The following APBB1IP variants were observed in gnomAD, a reference collection of about 807,000 sequenced individuals.
The protein encoded by APBB1IP is amyloid beta A4 precursor protein-binding family B member 1-interacting protein.
APBB1IP carries 27 observed loss-of-function variants against 64.9 expected under a neutral mutation model. The observed-to-expected ratio is 0.42, with a 90% confidence interval of 0.31 to 0.57. The LOEUF is 0.57. Ranked by LOEUF, APBB1IP falls within the 20% of genes least tolerant of loss-of-function variation. The pLI, the probability that APBB1IP is intolerant of heterozygous loss-of-function variation, is 0.20. For missense variants in APBB1IP, 812 were observed against 845.5 expected (o/e 0.96, Z 0.49); for synonymous variants, 392 against 331.0 (o/e 1.18, Z -2.00).
chr10:26,464,340 C>T (rs1035778618), intron 2 of APBB1IP, among the ~76,000 whole-genome samples: 5 of 152,260 alleles, frequency 3.3e-5, no homozygotes, highest in East Asian at 1.9e-4. Flanking sequence ...ATGCAAACAC[C>T]GCTATGTACC....
intron 8 of APBB1IP, among the ~76,000 whole-genome samples, chr10:26,524,906 T>C (rs1836450353): frequency 1.3e-5 from 2 of 151,534 alleles, no homozygotes; most frequent in South Asian, 4.2e-4. Flanking sequence ...TTGGGCAAGA[T>C]TGCATATAAT....
chr10:26,462,039 C>A (rs914120188), intron 2 of APBB1IP, among the ~76,000 whole-genome samples: 1 of 152,170 alleles, frequency 6.6e-6, no homozygotes, highest in African/African-American at 2.4e-5. Flanking sequence ...GATCTGCAGG[C>A]CAAATCCACG....
At chr10:26,557,785 A>G (rs962551181) in intron 11 of APBB1IP, among the ~76,000 whole-genome samples, 2 of 152,222 alleles carry the variant, frequency 1.3e-5, no homozygotes, top group African/African-American at 4.8e-5. Context: ...TGGCTGAGTC[A>G]TTAGAAAGTC....
chr10:26,564,349 G>A (rs997127940), intron 14 of APBB1IP, among the ~76,000 whole-genome samples: 10 of 152,152 alleles, frequency 6.6e-5, no homozygotes, highest in African/African-American at 2.2e-4. Flanking sequence ...GCCAAATTTG[G>A]CATGCTGGTT....
intron 2 of APBB1IP, among the ~76,000 whole-genome samples, chr10:26,470,710 C>T (rs1223230631): frequency 6.6e-6 from 1 of 152,080 alleles, no homozygotes; most frequent in Non-Finnish European, 1.5e-5. Context: ...TGGGTTTTTC[C>T]AGACTTAGTC....
intron 7 of APBB1IP, among the ~76,000 whole-genome samples, chr10:26,512,535 T>G (rs879942391): frequency 3.9e-5 from 6 of 152,072 alleles, no homozygotes; most frequent in Non-Finnish European, 8.8e-5. Context: ...CAAAGAACAG[T>G]TGGTAGACAC....
At chr10:26,557,767 G>A (rs1025155390) in intron 11 of APBB1IP, among the ~76,000 whole-genome samples, 2 of 152,172 alleles carry the variant, frequency 1.3e-5, no homozygotes, top group South Asian at 2.1e-4. Flanking sequence ...AATCCCACAC[G>A]CTCTTGCTGG....
intron 8 of APBB1IP, among the ~76,000 whole-genome samples, chr10:26,518,279 C>T (rs1458600308): frequency 1.4e-5 from 2 of 144,544 alleles, no homozygotes; most frequent in African/African-American, 2.6e-5. Flanking sequence ...TTAAAGAGTC[C>T]TTCTGTCACC....
At chr10:26,482,611 T>A (rs2132423323) in intron 2 of APBB1IP, among the ~76,000 whole-genome samples, 1 of 152,302 alleles carries the variant, frequency 6.6e-6, no homozygotes, top group South Asian at 2.1e-4. Context: ...TCTCCTCTTT[T>A]GTATCTGTAG....
Position 26,488,383 on chromosome 10 carries a change from G to A in APBB1IP, c.1-3944G>A, listed in dbSNP as rs185447459. ...CCCAAGTATGTGGGACTACATGCAC[G>A]TGCCCCCACACCTGGCTAATTTTTT... On this transcript the variant is annotated intron_variant, in intron 2 of 14. Coordinates refer to ENST00000376236, the MANE Select transcript of APBB1IP (RefSeq NM_019043.4). 4.7e-4 allele frequency among the ~76,000 whole-genome samples: 71 copies of A among 152,014 alleles called. 2 individuals are homozygous for A. The East Asian group carries it at 0.011, about 24-fold the overall frequency.
chr10:26,558,155 A>ACG (rs1274443993), intron 11 of APBB1IP, among the ~76,000 whole-genome samples: 1 of 151,742 alleles, frequency 6.6e-6, no homozygotes, highest in Non-Finnish European at 1.5e-5. Context: ...ACACACACAC[A>ACG]CACACACACA....
intron 2 of APBB1IP, among the ~76,000 whole-genome samples, chr10:26,451,007 T>C (rs1191980907): frequency 6.6e-6 from 1 of 152,296 alleles, no homozygotes; most frequent in Middle Eastern, 3.4e-3. Flanking sequence ...AGAACTCAGA[T>C]TCTGTTTCAA....
intron 8 of APBB1IP, among the ~76,000 whole-genome samples, chr10:26,524,974 T>TTTTTTTTTTA (rs1554778195): frequency 0.019 from 2,350 of 125,978 alleles, 161 homozygotes; most frequent in East Asian, 0.15. Flanking sequence ...TTTTTTTTTT[T>TTTTTTTTTTA]ATAAAAAAAG....
At chr10:26,497,727 T>TC (rs1302212351) in intron 4 of APBB1IP, among the ~76,000 whole-genome samples, 1 of 137,116 alleles carries the variant, frequency 7.3e-6, no homozygotes, top group East Asian at 2.6e-4. Flanking sequence ...CTGGATTTTT[T>TC]TTTTTTTTTT....
chr10:26,445,124 AAAGAAAAGAAAGAAAGAAAG>A (rs1172715645), intron 2 of APBB1IP, among the ~76,000 whole-genome samples: 14 of 65,914 alleles, frequency 2.1e-4, no homozygotes, highest in Non-Finnish European at 2.5e-4. Context: ...AGAAAGAAAG[AAAGAAAAGAAAGAAAGAAAG>A]AAAGAAAGAA....
intron 14 of APBB1IP, 36 bp from the exon 15 acceptor site, chr10:26,566,924 TA>T (rs146314526): frequency 1.0e-3 from 1,407 of 1,410,728 alleles, no homozygotes; most frequent in Admixed American, 3.5e-3. Flanking sequence ...TTTCAAAAAT[TA>T]AAAAAAAAAT....
At chr10:26,439,613 T>C (rs1835318239) in intron 2 of APBB1IP, among the ~76,000 whole-genome samples, 1 of 151,678 alleles carries the variant, frequency 6.6e-6, no homozygotes, top group African/African-American at 2.4e-5. Context: ...CCTGCTAAGG[T>C]ATTTCTTAGT....
At chr10:26,492,827 CCATGCCCCGCTGTGCACG>C (rs1564359839) in intron 3 of APBB1IP, among the ~76,000 whole-genome samples, 1 of 152,126 alleles carries the variant, frequency 6.6e-6, no homozygotes, top group Non-Finnish European at 1.5e-5. Context: ...TAATGAAGTT[CCATGCCCCGCTGTGCACG>C]CATTGTCATT....
chr10:26,485,328 G>A lies in APBB1IP; in HGVS notation c.1-6999G>A, dbSNP rs572331796. Among the ~76,000 whole-genome samples the A allele has an allele frequency of 3.9e-5, 6 of 152,286 alleles. 1 individual carries two copies. The highest frequency in any genetic ancestry group is 1.4e-4 in the African/African-American group (6 of 41,556). ...GCCCTGGAATGTGACATTTCTGAGT[G>A]TGTCACACCAGGAGCCATGTAGAAC... On this transcript the variant is annotated intron_variant, in intron 2 of 14. Transcript: ENST00000376236.
Sources: allele counts gnomAD v4.1 joint callset (sites outside exome capture counted in the v4.1 genomes callset), GRCh38; gene constraint gnomAD v4.1.1; transcripts MANE v1.5; gene names NCBI Gene and HGNC (gene_info 2026-07-23, HGNC 2026-07-21).